Variants in EPHA3 observed in about 807,000 individuals in gnomAD.
The protein encoded by EPHA3 is EPH receptor A3.
Under a neutral mutation model 107.1 loss-of-function variants are expected in EPHA3, and 42 were observed. The observed-to-expected ratio is 0.39, with a 90% confidence interval of 0.31 to 0.51. EPHA3 has a LOEUF of 0.51. Ranked by LOEUF, EPHA3 falls within the 20% of genes least tolerant of loss-of-function variation. The probability of loss-of-function intolerance (pLI) is 0.78; values close to 1 mark genes in which losing one functional copy is unlikely to be tolerated. For synonymous variants in EPHA3, 461 were observed against 424.8 expected (o/e 1.09, Z -1.05); for missense variants, 1,183 against 1,211.2 (o/e 0.98, Z 0.35).
At chr3:89,108,316 C>A (rs1174477142) in intron 1 of EPHA3, among the ~76,000 whole-genome samples, 1 of 152,126 alleles carries the variant, frequency 6.6e-6, no homozygotes, top group East Asian at 1.9e-4. Flanking sequence ...AAAGGGAAAT[C>A]AGAGTTTGTC....
chr3:89,160,589 T>TGTGTGTGC (rs371399940), intron 2 of EPHA3, among the ~76,000 whole-genome samples: 4 of 145,006 alleles, frequency 2.8e-5, no homozygotes, highest in African/African-American at 1.0e-4. Context: ...TGTGTGTGTG[T>TGTGTGTGC]GCGCGCATTC....
intron 2 of EPHA3, among the ~76,000 whole-genome samples, chr3:89,203,353 A>C (rs1706020738): frequency 6.8e-6 from 1 of 146,774 alleles, no homozygotes. Context: ...AACAAAACAA[A>C]AAAAAAATTA....
intron 3 of EPHA3, among the ~76,000 whole-genome samples, chr3:89,262,963 CTTTTTTTTTT>C (rs532365863): frequency 0.015 from 1,414 of 97,468 alleles, 38 homozygotes; most frequent in African/African-American, 0.042. Flanking sequence ...TTACAGCGCT[CTTTTTTTTTT>C]TTTTTTTTTT....
At chr3:89,167,293 A>C (rs1485704124) in intron 2 of EPHA3, among the ~76,000 whole-genome samples, 1 of 152,148 alleles carries the variant, frequency 6.6e-6, no homozygotes, top group African/African-American at 2.4e-5. Context: ...TTTCAAATAT[A>C]AAATACATAT....
intron 16 of EPHA3, among the ~76,000 whole-genome samples, chr3:89,476,438 A>G (rs1195624034): frequency 6.7e-6 from 1 of 148,354 alleles, no homozygotes; most frequent in Non-Finnish European, 1.5e-5. Context: ...AGGGCCAAAC[A>G]TCATAGCAAG....
chr3:89,280,209 T>C (rs941160816), intron 3 of EPHA3, among the ~76,000 whole-genome samples: 5 of 152,214 alleles, frequency 3.3e-5, no homozygotes, highest in South Asian at 2.1e-4. Context: ...TATTTCATAA[T>C]AACTTTTGAA....
intron 9 of EPHA3, among the ~76,000 whole-genome samples, chr3:89,410,844 G>T (rs2107519805): frequency 6.6e-6 from 1 of 151,884 alleles, no homozygotes; most frequent in East Asian, 1.9e-4. Context: ...AAGGTAAAGG[G>T]TTTTAGTACT....
intron 3 of EPHA3, among the ~76,000 whole-genome samples, chr3:89,227,646 G>A (rs1704532379): frequency 6.6e-6 from 1 of 151,938 alleles, no homozygotes; most frequent in Admixed American, 6.6e-5. Flanking sequence ...TTTGTGCATA[G>A]TTAGGTACTG....
chr3:89,428,530 ATT>A (rs1182559336), intron 11 of EPHA3, among the ~76,000 whole-genome samples: 1 of 152,040 alleles, frequency 6.6e-6, no homozygotes, highest in Non-Finnish European at 1.5e-5. Context: ...TCATTTCATA[ATT>A]TTTAAGTGTT....
chr3:89,430,564 GATTAA>G (rs1709546160), intron 12 of EPHA3, among the ~76,000 whole-genome samples: 1 of 151,924 alleles, frequency 6.6e-6, no homozygotes, highest in African/African-American at 2.4e-5. Context: ...TTTAATCCAA[GATTAA>G]ATTAGATTGG....
chr3:89,409,527 A>G (rs1446278492), intron 9 of EPHA3, among the ~76,000 whole-genome samples: 2 of 151,966 alleles, frequency 1.3e-5, no homozygotes, highest in Non-Finnish European at 2.9e-5. Context: ...AGGTTCCTCT[A>G]TCGTCCCAGT....
At chr3:89,396,297 T>A (rs184640072) in intron 6 of EPHA3, among the ~76,000 whole-genome samples, 65 of 152,328 alleles carry the variant, frequency 4.3e-4, no homozygotes, top group Non-Finnish European at 2.9e-5. Flanking sequence ...TGTGAACTGT[T>A]TTTTTAGTTC....
At chr3:89,441,148 C>T (rs1186479820) in intron 13 of EPHA3, among the ~76,000 whole-genome samples, 1 of 152,196 alleles carries the variant, frequency 6.6e-6, no homozygotes, top group African/African-American at 2.4e-5. Context: ...GAAACCAAGA[C>T]TCCTGATTCT....
rs1241516352 is a variant in EPHA3 at position 89,442,456 on chromosome 3, C to T, written c.2347-6769C>T. On this transcript the variant is annotated intron_variant, in intron 13 of 16. Coordinates refer to ENST00000336596, the MANE Select transcript of EPHA3 (RefSeq NM_005233.6). Reference sequence around the variant, plus strand: ...TTCGCAAATGGGGATGATTTTGTTCCCCAGAAGATACTTGGTATTGTCTAG... The same window carrying T: ...TTCGCAAATGGGGATGATTTTGTTCTCCAGAAGATACTTGGTATTGTCTAG... 4.6e-5 allele frequency among the ~76,000 whole-genome samples: 7 copies of T among 152,060 alleles called. No individual in the cohort carries two copies. The East Asian group carries it at 1.4e-3, about 29-fold the overall frequency.
At chr3:89,343,651 C>T (rs1707582900) in intron 5 of EPHA3, among the ~76,000 whole-genome samples, 1 of 152,198 alleles carries the variant, frequency 6.6e-6, no homozygotes, top group African/African-American at 2.4e-5. Flanking sequence ...TTCTAAATTT[C>T]TCTTTCGTTT....
At chr3:89,280,337 T>G (rs563481225) in intron 3 of EPHA3, among the ~76,000 whole-genome samples, 2 of 152,234 alleles carry the variant, frequency 1.3e-5, no homozygotes, top group East Asian at 1.9e-4. Context: ...CAGGTATATA[T>G]AGAGAGTATC....
chr3:89,364,721 T>G (rs1360717285), intron 5 of EPHA3, among the ~76,000 whole-genome samples: 1 of 151,158 alleles, frequency 6.6e-6, no homozygotes, highest in Non-Finnish European at 1.5e-5. Context: ...CAATATCCTC[T>G]AAATGTCTTT....
At chr3:89,316,162 G>T (rs1706894916) in intron 3 of EPHA3, among the ~76,000 whole-genome samples, 1 of 151,772 alleles carries the variant, frequency 6.6e-6, no homozygotes, top group African/African-American at 2.4e-5. Context: ...TAGCTGGCAC[G>T]AAAGTAGGCA....
chr3:89,403,530 A>G (rs1474783905), intron 7 of EPHA3, among the ~76,000 whole-genome samples: 1 of 152,190 alleles, frequency 6.6e-6, no homozygotes, highest in Non-Finnish European at 1.5e-5. Context: ...CATAGAAAGC[A>G]TGGAGTATAA....
Sources: allele counts gnomAD v4.1 joint callset (sites outside exome capture counted in the v4.1 genomes callset), GRCh38; gene constraint gnomAD v4.1.1; transcripts MANE v1.5; gene names NCBI Gene and HGNC (gene_info 2026-07-23, HGNC 2026-07-21).